Variants in DHX35 observed in about 807,000 individuals in gnomAD.
The protein encoded by DHX35 is probable ATP-dependent RNA helicase DHX35.
A neutral mutation model predicts 99.6 loss-of-function variants in DHX35; 84 were observed. The ratio of observed to expected loss-of-function variants is 0.84; its 90% CI spans 0.71 to 1.01. DHX35 has a LOEUF of 1.01. DHX35 is among the 50% of genes least tolerant of loss of function. DHX35 has a pLI of 0.00. For missense variants in DHX35, 852 were observed against 888.5 expected, an observed-to-expected ratio of 0.96 and a Z score of 0.52; for synonymous variants, 331 against 316.2, an observed-to-expected ratio of 1.05 and a Z score of -0.50.
At chr20:38,965,936 T>A (rs1292495654) in intron 1 of DHX35, among the ~76,000 whole-genome samples, 1 of 152,258 alleles carries the variant, frequency 6.6e-6, no homozygotes, top group Non-Finnish European at 1.5e-5. Context: ...TTAAGCTTTT[T>A]TTGACTTGAC....
intron 14 of DHX35, among the ~76,000 whole-genome samples, chr20:39,016,988 C>G (rs750083895): frequency 4.7e-5 from 7 of 150,154 alleles, no homozygotes; most frequent in Admixed American, 3.3e-4. Context: ...TTTTTACTTA[C>G]ATGTACTTAC....
At chr20:39,016,572 T>C (rs1404048216) in intron 14 of DHX35, among the ~76,000 whole-genome samples, 1 of 152,248 alleles carries the variant, frequency 6.6e-6, no homozygotes, top group Non-Finnish European at 1.5e-5. Context: ...TTCCACTTTT[T>C]GGCTGATATA....
intron 18 of DHX35, among the ~76,000 whole-genome samples, chr20:39,027,487 G>A (rs2086976334): frequency 1.3e-5 from 2 of 152,160 alleles, no homozygotes; most frequent in Non-Finnish European, 2.9e-5. Flanking sequence ...TATGCCGATA[G>A]TAATCAAATA....
chr20:39,027,443 A>G (rs2086975387), intron 18 of DHX35, among the ~76,000 whole-genome samples: 1 of 152,222 alleles, frequency 6.6e-6, no homozygotes, highest in South Asian at 2.1e-4. Flanking sequence ...TAAATGGGCT[A>G]AGGATTAGAA....
In DHX35 at chr20:38,970,656, C is replaced by T. The variant is rs369013936; in HGVS notation, c.174+1442C>T. Among the ~76,000 whole-genome samples, 24 of 152,286 alleles carry T rather than the reference C, an allele frequency of 1.6e-4. No individual in the cohort carries two copies. The East Asian group carries it at 3.1e-3, about 20-fold the overall frequency. On this transcript the variant is annotated intron_variant, in intron 2 of 21. Coordinates refer to ENST00000252011, the MANE Select transcript of DHX35 (RefSeq NM_021931.4). The stretch of plus-strand genomic sequence containing the variant: ...TGATGTAGGACTACAGGAGCACCTA[C>T]CTCATAGGACTGTTATGAGGACCAG...
chr20:38,980,822 A>G (rs1265660328), intron 3 of DHX35, among the ~76,000 whole-genome samples: 1 of 152,120 alleles, frequency 6.6e-6, no homozygotes, highest in Admixed American at 6.5e-5. Flanking sequence ...TTTTCTTACT[A>G]AGGTTCTTTT....
At chr20:38,973,073 A>G (rs530555273) in intron 3 of DHX35, among the ~76,000 whole-genome samples, 3 of 152,322 alleles carry the variant, frequency 2.0e-5, no homozygotes, top group Non-Finnish European at 2.9e-5. Flanking sequence ...TGTGATGTGG[A>G]TAGGAGTAGA....
At chr20:39,022,037 A>C in intron 16 of DHX35, 102 bp downstream of exon 16, 1 of 1,120,282 alleles carries the variant, frequency 8.9e-7, no homozygotes, top group Admixed American at 1.9e-5. Flanking sequence ...GAGCTGTACA[A>C]ATGTGATCTG....
rs190682478 is a variant in DHX35, at chr20:38,985,924, C to T, written c.345+2148C>T. On this transcript the variant is annotated intron_variant, in intron 4 of 21. Coordinates refer to ENST00000252011, the MANE Select transcript of DHX35 (RefSeq NM_021931.4). ...AATCTCAGAGCCTAAAAACAGATTG[C>T]ATAAGCTGTTGCTTGATCTCTGTGA... Among the ~76,000 whole-genome samples, 437 of 152,308 alleles carry T rather than the reference C, an allele frequency of 2.9e-3. 1 individual carries two copies. Among genetic ancestry groups the T allele is most frequent in the African/African-American group, 0.01 (419 of 41,570 alleles).
intron 8 of DHX35, among the ~76,000 whole-genome samples, chr20:38,997,815 G>A (rs1187372355): frequency 1.3e-5 from 2 of 152,188 alleles, no homozygotes; most frequent in African/African-American, 4.8e-5. Flanking sequence ...CAAGAATGAG[G>A]ACTATGTGGG....
At chr20:38,970,101 A>G (rs144884435) in intron 2 of DHX35, among the ~76,000 whole-genome samples, 27 of 151,400 alleles carry the variant, frequency 1.8e-4, no homozygotes, top group African/African-American at 2.7e-4. Context: ...CTGTCTGTCT[A>G]TCTATCAGAC....
At chr20:38,990,050 T>A (rs527879435) in intron 5 of DHX35, among the ~76,000 whole-genome samples, 2 of 152,366 alleles carry the variant, frequency 1.3e-5, no homozygotes, top group South Asian at 4.1e-4. Flanking sequence ...TTTTGTTATA[T>A]TCATTTTGCT....
chr20:39,033,290 T>C (rs575933456), intron 20 of DHX35, among the ~76,000 whole-genome samples: 1 of 152,248 alleles, frequency 6.6e-6, no homozygotes, highest in South Asian at 2.1e-4. Context: ...TTTTAGATCC[T>C]TTTTTTGCTG....
intron 13 of DHX35, 92 bp downstream of exon 13, chr20:39,010,496 T>G (rs1378712235): frequency 1.3e-6 from 2 of 1,523,500 alleles, no homozygotes; most frequent in Non-Finnish European, 1.8e-6. Flanking sequence ...CATCTTTCCT[T>G]TTTTTCCCTA....
At chr20:38,976,094 A>T (rs569879635) in intron 3 of DHX35, among the ~76,000 whole-genome samples, 3 of 152,192 alleles carry the variant, frequency 2.0e-5, no homozygotes, top group East Asian at 3.9e-4. Context: ...GAGGCTGAGG[A>T]TCTAGGCTGG....
chr20:39,012,034 G>C (rs769564336), intron 13 of DHX35, among the ~76,000 whole-genome samples: 3 of 152,178 alleles, frequency 2.0e-5, no homozygotes, highest in Non-Finnish European at 4.4e-5. Flanking sequence ...GATCACTTGA[G>C]GTCCGGACTT....
At chr20:39,017,351 A>G (rs1218267155) in intron 14 of DHX35, among the ~76,000 whole-genome samples, 1 of 130,206 alleles carries the variant, frequency 7.7e-6, no homozygotes, top group Non-Finnish European at 1.6e-5. Context: ...TGTGTTGGAG[A>G]AGGTTTCCAC....
intron 3 of DHX35, among the ~76,000 whole-genome samples, chr20:38,982,112 T>C (rs1416466021): frequency 6.6e-6 from 1 of 152,194 alleles, no homozygotes; most frequent in Non-Finnish European, 1.5e-5. Context: ...CATCTATATT[T>C]TAAACACCAT....
Position 38,999,045 on chromosome 20 carries a change from C to T in DHX35, c.643-2685C>T, listed in dbSNP as rs545055933. Among the ~76,000 whole-genome samples, 101 of 152,244 alleles carry T rather than the reference C, an allele frequency of 6.6e-4. 2 individuals carry two copies. The South Asian group carries it at 0.02, about 30-fold the overall frequency. ...AACTCCTGACCTCAGGCCATCCACC[C>T]GCCTTGGCCTCCCAAAGTGCCACCG... On this transcript the variant is annotated intron_variant, in intron 8 of 21. Coordinates refer to ENST00000252011, the MANE Select transcript of DHX35 (RefSeq NM_021931.4).
Sources: gnomAD v4.1 joint callset for allele counts (sites outside exome capture counted in the v4.1 genomes callset) on GRCh38, gnomAD v4.1.1 for gene constraint, MANE v1.5 for transcripts, NCBI Gene and HGNC (gene_info 2026-07-23, HGNC 2026-07-21) for gene names.